PLEKHF2: variants seen among roughly 807,000 people sequenced by gnomAD.
PLEKHF2 encodes the protein pleckstrin homology domain-containing family F member 2.
In PLEKHF2, 4 loss-of-function variants were observed where a neutral mutation model predicts 14.7. That is an observed-to-expected ratio of 0.27 (90% confidence interval 0.13 to 0.62). The LOEUF (loss-of-function observed/expected upper bound fraction) is 0.62. Ranked by LOEUF, PLEKHF2 falls within the 20% of genes least tolerant of loss-of-function variation. PLEKHF2 has a pLI of 0.85. For synonymous variants in PLEKHF2, 90 were observed against 103.5 expected, an observed-to-expected ratio of 0.87 and a Z score of 0.79; for missense variants, 201 against 307.7, an observed-to-expected ratio of 0.65 and a Z score of 2.60.
At chr8:95,138,829 A>C (rs1810407335) in intron 1 of PLEKHF2, among the ~76,000 whole-genome samples, 1 of 152,214 alleles carries the variant, frequency 6.6e-6, no homozygotes, top group South Asian at 2.1e-4. Context: ...TTAAATATTT[A>C]GGTTGTTTCC....
At chr8:95,145,178 A>G in intron 1 of PLEKHF2, among the ~76,000 whole-genome samples, 1 of 152,262 alleles carries the variant, frequency 6.6e-6, no homozygotes, top group Non-Finnish European at 1.5e-5. Context: ...TCTAAATGTG[A>G]ATCAGAATTT....
chr8:95,142,539 C>A (rs898663824), intron 1 of PLEKHF2, among the ~76,000 whole-genome samples: 3 of 152,162 alleles, frequency 2.0e-5, no homozygotes, highest in Non-Finnish European at 4.4e-5. Flanking sequence ...CAGGCTTGTG[C>A]CATTATGCCC....
intron 1 of PLEKHF2, among the ~76,000 whole-genome samples, chr8:95,148,322 T>C (rs1810523420): frequency 6.6e-6 from 1 of 152,056 alleles, no homozygotes; most frequent in African/African-American, 2.4e-5. Context: ...TTTTTTCTGA[T>C]ATGCCAGAGA....
At chr8:95,148,130 T>A (rs1810519652) in intron 1 of PLEKHF2, among the ~76,000 whole-genome samples, 1 of 152,012 alleles carries the variant, frequency 6.6e-6, no homozygotes. Context: ...CAGATATATA[T>A]ACCTTTAATA....
At chr8:95,144,672 GC>G (rs1421485711) in intron 1 of PLEKHF2, among the ~76,000 whole-genome samples, 1 of 152,066 alleles carries the variant, frequency 6.6e-6, no homozygotes, top group African/African-American at 2.4e-5. Flanking sequence ...TTCAAGACCA[GC>G]CTGGCCAACA....
intron 1 of PLEKHF2, among the ~76,000 whole-genome samples, chr8:95,151,402 G>A (rs114167915): frequency 9.9e-5 from 15 of 151,300 alleles, no homozygotes; most frequent in Middle Eastern, 3.4e-3. Flanking sequence ...CCTGTTTTAG[G>A]GCCTTTGCAG....
rs535899161 is a variant in PLEKHF2, at chr8:95,138,958, C to T, written c.-15+4928C>T. Among the ~76,000 whole-genome samples the T allele has an allele frequency of 8.8e-4, 134 of 152,258 alleles. 1 individual carries two copies. Among genetic ancestry groups the T allele is most frequent in the South Asian group, 7.5e-3 (36 of 4,832 alleles). ...GTTGTATAAACTTTCTAAAGCATTT[C>T]TATTGCCAAAATGGCATTTAGAAAA... On this transcript the variant is annotated intron_variant, in intron 1 of 1. Transcript: ENST00000315367.
intron 1 of PLEKHF2, among the ~76,000 whole-genome samples, chr8:95,146,478 GTC>G (rs1810501738): frequency 6.6e-6 from 1 of 150,694 alleles, no homozygotes; most frequent in South Asian, 2.1e-4. Context: ...ATGACATTTG[GTC>G]TCTCTTCTCA....
At chr8:95,138,365 C>G (rs1484909604) in intron 1 of PLEKHF2, among the ~76,000 whole-genome samples, 2 of 87,720 alleles carry the variant, frequency 2.3e-5, no homozygotes, top group East Asian at 7.6e-4. Flanking sequence ...CCCCCCCCCC[C>G]GCCCCTTTTT....
intron 1 of PLEKHF2, among the ~76,000 whole-genome samples, chr8:95,140,269 A>G (rs1810426909): frequency 6.6e-6 from 1 of 152,060 alleles, no homozygotes; most frequent in African/African-American, 2.4e-5. Context: ...TATTTCCTAA[A>G]TCCTATCTGC....
chr8:95,145,167 C>G (rs920631394), intron 1 of PLEKHF2, among the ~76,000 whole-genome samples: 2 of 152,080 alleles, frequency 1.3e-5, no homozygotes, highest in South Asian at 4.1e-4. Context: ...ACTGACCTCT[C>G]TCTAAATGTG....
chr8:95,154,313 T>C lies in PLEKHF2; in HGVS notation c.269T>C (p.Ile90Thr). The C allele has an allele frequency of 6.2e-7, 1 of 1,614,048 alleles. No individual in the cohort carries two copies. The highest frequency in any genetic ancestry group is 1.1e-5 in the South Asian group (1 of 91,082). Reference sequence around the variant, plus strand: ...CTGGAAAATGTCACTATTGATTCCATCAAAGATGAGGGAGACTTAAGGAAT... The same window carrying C: ...CTGGAAAATGTCACTATTGATTCCACCAAAGATGAGGGAGACTTAAGGAAT... ...IPLENVTIDS[I>T]KDEGDLRNGW... Residue 90 changes from isoleucine (I) to threonine (T), a missense_variant, in exon 2 of 2, where the codon ATC becomes ACC. By Grantham distance (89) the Ile-to-Thr change is moderately conservative (BLOSUM62 -1). Transcript: ENST00000315367. The surrounding 1 kb of genome is among the most constrained non-coding windows in gnomAD (Gnocchi z 5.6).
At chr8:95,144,429 C>T (rs1015036861) in intron 1 of PLEKHF2, among the ~76,000 whole-genome samples, 16 of 152,136 alleles carry the variant, frequency 1.1e-4, no homozygotes, top group Admixed American at 8.5e-4. Context: ...TTGAGTATAT[C>T]TTATGGTTAT....
chr8:95,149,174 A>T (rs1288921880), intron 1 of PLEKHF2, among the ~76,000 whole-genome samples: 1 of 152,154 alleles, frequency 6.6e-6, no homozygotes, highest in Admixed American at 6.5e-5. Flanking sequence ...AAATTAAATT[A>T]AAAGTACTTT....
chr8:95,154,022 T>G lies in PLEKHF2; in HGVS notation c.-14-9T>G, dbSNP rs1378195554. On this transcript the variant is annotated splice_polypyrimidine_tract_variant and intron_variant, in intron 1 of 1. Transcript: ENST00000315367. This position sits in a 1 kb window ranked among gnomAD's most constrained non-coding sequence, Gnocchi z 5.6. ...ATATGTGCTAATTTCTTTTTCTTTT[T>G]TTTAAAAGGCTATTAGTGAAAGATG... 4 of 1,494,768 alleles carry G rather than the reference T, an allele frequency of 2.7e-6. No homozygotes were observed. In the African/African-American group the frequency reaches 5.6e-5, roughly 21 times the overall value. 92.6% of individuals were successfully genotyped at this position (1,494,768 alleles called of 1,614,324 possible).
intron 1 of PLEKHF2, among the ~76,000 whole-genome samples, chr8:95,148,050 C>A (rs1198937989): frequency 6.6e-6 from 1 of 151,462 alleles, no homozygotes; most frequent in Non-Finnish European, 1.5e-5. Flanking sequence ...AACAATATTT[C>A]TAAGGACAAA....
At chr8:95,138,044 T>C (rs1204857570) in intron 1 of PLEKHF2, among the ~76,000 whole-genome samples, 1 of 152,164 alleles carries the variant, frequency 6.6e-6, no homozygotes, top group East Asian at 1.9e-4. Context: ...ACATAGTCCC[T>C]CCTCTCCTTG....
At chr8:95,136,331 TATACACACACACACACACACACACACAC>T in intron 1 of PLEKHF2, among the ~76,000 whole-genome samples, 1 of 107,828 alleles carries the variant, frequency 9.3e-6, no homozygotes, top group African/African-American at 4.0e-5. Context: ...TTTTATTATA[TATACACACACACACACACACACACACAC>T]ACACACACAC....
chr8:95,143,837 T>G (rs1810462798), intron 1 of PLEKHF2, among the ~76,000 whole-genome samples: 1 of 152,248 alleles, frequency 6.6e-6, no homozygotes, highest in Non-Finnish European at 1.5e-5. Context: ...GGAATCTGGT[T>G]TCTGAGTAGA....
Sources: gnomAD v4.1 joint callset for allele counts (sites outside exome capture counted in the v4.1 genomes callset) on GRCh38, gnomAD v4.1.1 for gene constraint, Gnocchi (gnomAD v3.1) non-coding constraint, MANE v1.5 for transcripts, NCBI Gene and HGNC (gene_info 2026-07-23, HGNC 2026-07-21) for gene names.